The following DSCAM variants were observed in gnomAD, a reference collection of about 807,000 sequenced individuals.
DSCAM encodes the protein DS cell adhesion molecule.
In DSCAM, 47 loss-of-function variants were observed where a neutral mutation model predicts 217.7. The observed-to-expected ratio is 0.22, with a 90% CI of 0.17 to 0.28. DSCAM has a LOEUF of 0.28. Among genes scored for constraint, DSCAM ranks in the 10% least tolerant of loss-of-function variants. The pLI, the probability that DSCAM is intolerant of heterozygous loss-of-function variation, is 1.00. For missense variants in DSCAM, 2,080 were observed against 2,618.3 expected (o/e 0.79, Z 4.49); for synonymous variants, 1,056 against 1,015.3 (o/e 1.04, Z -0.76).
chr21:40,405,284 T>C (rs2075270921), intron 3 of DSCAM, among the ~76,000 whole-genome samples: 1 of 152,214 alleles, frequency 6.6e-6, no homozygotes, highest in Admixed American at 6.5e-5. Context: ...ATATTATCCC[T>C]CTGAGACCTT....
At chr21:40,448,537 G>A (rs570695811) in intron 3 of DSCAM, among the ~76,000 whole-genome samples, 7 of 152,078 alleles carry the variant, frequency 4.6e-5, no homozygotes, top group Non-Finnish European at 8.8e-5. Flanking sequence ...AGCTTGTAGG[G>A]AAATGATCAT....
intron 3 of DSCAM, among the ~76,000 whole-genome samples, chr21:40,439,017 C>G (rs372445465): frequency 2.0e-5 from 3 of 152,006 alleles, no homozygotes; most frequent in South Asian, 4.2e-4. Flanking sequence ...GTAGAAGTAC[C>G]CTTTTCTATT....
chr21:40,570,605 A>G (rs2410254), intron 3 of DSCAM, among the ~76,000 whole-genome samples: 7,324 of 152,288 alleles, frequency 0.048, 504 homozygotes, highest in African/African-American at 0.15. Flanking sequence ...TCACTCAGGA[A>G]CTTTGTAGCT....
At chr21:40,737,672 T>C (rs563664506) in intron 1 of DSCAM, among the ~76,000 whole-genome samples, 2 of 152,274 alleles carry the variant, frequency 1.3e-5, no homozygotes, top group Non-Finnish European at 2.9e-5. Flanking sequence ...TGGGTTCATG[T>C]GTCATGACTA....
At chr21:40,029,789 T>TAA (rs1401650872) in intron 32 of DSCAM, among the ~76,000 whole-genome samples, 1 of 152,168 alleles carries the variant, frequency 6.6e-6, no homozygotes, top group East Asian at 1.9e-4. Flanking sequence ...TCTTCAGAGC[T>TAA]AAATAACCCC....
At chr21:40,152,116 GAA>G (rs10718861) in intron 16 of DSCAM, among the ~76,000 whole-genome samples, 1,619 of 147,052 alleles carry the variant, frequency 0.011, 34 homozygotes, top group African/African-American at 0.039. Context: ...TAAGCATATG[GAA>G]AAAAAAAAAC....
intron 4 of DSCAM, among the ~76,000 whole-genome samples, chr21:40,360,865 T>C (rs1260132441): frequency 1.3e-5 from 2 of 152,162 alleles, no homozygotes; most frequent in African/African-American, 4.8e-5. Flanking sequence ...GGTAGCTCTA[T>C]TTTAAGTTCT....
chr21:40,332,987 G>A (rs768972206), intron 8 of DSCAM, among the ~76,000 whole-genome samples: 2 of 152,092 alleles, frequency 1.3e-5, no homozygotes, highest in African/African-American at 4.8e-5. Context: ...CAATAATTTG[G>A]TTTCCCTGTT....
intron 1 of DSCAM, among the ~76,000 whole-genome samples, chr21:40,839,039 G>A (rs889358761): frequency 1.3e-5 from 2 of 152,056 alleles, no homozygotes; most frequent in Non-Finnish European, 2.9e-5. Context: ...AAGGAACCTG[G>A]GGGACATTAG....
intron 3 of DSCAM, among the ~76,000 whole-genome samples, chr21:40,647,170 C>A (rs2089957954): frequency 6.6e-6 from 1 of 152,182 alleles, no homozygotes; most frequent in African/African-American, 2.4e-5. Context: ...GACCAGCATT[C>A]ACCACACGCT....
chr21:40,446,581 T>A (rs990038610), intron 3 of DSCAM, among the ~76,000 whole-genome samples: 2 of 152,118 alleles, frequency 1.3e-5, no homozygotes, highest in Non-Finnish European at 2.9e-5. Flanking sequence ...TCTGTCAATA[T>A]TAAAACCAGC....
At chr21:40,536,408 T>TC (rs1186747813) in intron 3 of DSCAM, among the ~76,000 whole-genome samples, 1 of 150,576 alleles carries the variant, frequency 6.6e-6, no homozygotes, top group East Asian at 1.9e-4. Flanking sequence ...GTCTTTTTTT[T>TC]TTTTTTTTTT....
chr21:40,175,393 C>T (rs1023382281), intron 15 of DSCAM, among the ~76,000 whole-genome samples: 2 of 152,240 alleles, frequency 1.3e-5, no homozygotes, highest in East Asian at 1.9e-4. Flanking sequence ...GGATTATAGG[C>T]GTGAACTACC....
chr21:40,202,280 A>G (rs1204008433), intron 11 of DSCAM, among the ~76,000 whole-genome samples: 3 of 152,230 alleles, frequency 2.0e-5, no homozygotes, highest in Admixed American at 6.5e-5. Flanking sequence ...ACAGACACAG[A>G]GTTGTCATGT....
intron 3 of DSCAM, among the ~76,000 whole-genome samples, chr21:40,381,395 G>A (rs1392231531): frequency 6.6e-6 from 1 of 152,186 alleles, no homozygotes; most frequent in African/African-American, 2.4e-5. Flanking sequence ...TGTCCCACAA[G>A]ATTTCTGCAT....
intron 3 of DSCAM, among the ~76,000 whole-genome samples, chr21:40,671,495 G>A (rs1038337504): frequency 2.0e-5 from 3 of 149,170 alleles, no homozygotes; most frequent in African/African-American, 7.7e-5. Context: ...TCAACATAGT[G>A]AAACTCCCCC....
intron 11 of DSCAM, among the ~76,000 whole-genome samples, chr21:40,196,274 C>T (rs976074245): frequency 3.3e-5 from 5 of 152,128 alleles, no homozygotes; most frequent in Non-Finnish European, 7.4e-5. Flanking sequence ...AACCTCCTGC[C>T]GCTGGGACTG....
chr21:40,735,729 G>C lies in DSCAM; in HGVS notation c.44-26958C>G, dbSNP rs146182437. Among the ~76,000 whole-genome samples, 1,115 of 152,332 alleles carry C rather than the reference G, an allele frequency of 7.3e-3. 14 individuals carry two copies. The highest frequency in any genetic ancestry group is 0.023 in the South Asian group (112 of 4,828). On this transcript the variant is annotated intron_variant, in intron 1 of 32. Transcript: ENST00000400454. Reference sequence around the variant, plus strand: ...GGCCACATGGCTAGAAAGTGACAGAGTCATGATTCAAACCCAAATCTGTTG... The same window carrying C: ...GGCCACATGGCTAGAAAGTGACAGACTCATGATTCAAACCCAAATCTGTTG...
At chr21:40,224,899 G>A (rs1274686896) in intron 11 of DSCAM, among the ~76,000 whole-genome samples, 1 of 152,184 alleles carries the variant, frequency 6.6e-6, no homozygotes, top group Non-Finnish European at 1.5e-5. Context: ...GTCCTAAATT[G>A]AATTGTCGGT....
Sources: allele counts gnomAD v4.1 joint callset (sites outside exome capture counted in the v4.1 genomes callset), GRCh38; gene constraint gnomAD v4.1.1; transcripts MANE v1.5; gene names NCBI Gene and HGNC (gene_info 2026-07-23, HGNC 2026-07-21).